The following CUL3 variants were observed in gnomAD, a reference collection of about 807,000 sequenced individuals.
CUL3 encodes cullin 3.
CUL3 carries 19 observed loss-of-function variants against 89.1 expected under a neutral mutation model. That is an observed-to-expected ratio of 0.21 (90% CI 0.15 to 0.31). The LOEUF (loss-of-function observed/expected upper bound fraction) is 0.31, where lower values mean the gene tolerates loss of function less well. Among genes scored for constraint, CUL3 ranks in the 10% least tolerant of loss-of-function variants. The pLI is 1.00. For synonymous variants in CUL3, 351 were observed against 308.4 expected (o/e 1.14, Z -1.45); for missense variants, 469 against 942.3 (o/e 0.50, Z 6.58).
chr2:224,480,630 TAGAA>T (rs1482809442), intron 14 of CUL3, among the ~76,000 whole-genome samples: 3 of 152,274 alleles, frequency 2.0e-5, no homozygotes, highest in Non-Finnish European at 2.9e-5. Flanking sequence ...CTGGACATGA[TAGAA>T]TCTGGGATAA....
At chr2:224,569,810 G>T (rs56004047) in intron 1 of CUL3, 22,117 of 1,098,040 alleles carry the variant, frequency 0.02, 268 homozygotes, top group Middle Eastern at 0.029. Context: ...TTAGTCCTCT[G>T]TGAATAATTT....
chr2:224,557,490 T>A (rs1694749129), intron 2 of CUL3, among the ~76,000 whole-genome samples, 169 bp downstream of exon 2: 1 of 148,678 alleles, frequency 6.7e-6, no homozygotes, highest in South Asian at 2.2e-4. Context: ...AAATTTTCGA[T>A]TTAGCTGATT....
Position 224,584,929 on chromosome 2 carries a change from C to G in CUL3, c.66+15G>C, listed in dbSNP as rs1251898319. ...CCCCCGGCCCCGGGGTCCCGGACGC[C>G]GAGGAGAGACTCACCGGAAAGGCCC... is the stretch of plus-strand genomic sequence containing the variant. On this transcript the variant is annotated intron_variant, in intron 1 of 15. Transcript: ENST00000264414. The G allele has an allele frequency of 3.4e-6, 5 of 1,468,164 alleles. No individual in the cohort carries two copies. Among genetic ancestry groups the G allele is most frequent in the African/African-American group, 1.5e-5 (1 of 67,356 alleles). 90.9% of individuals were successfully genotyped at this position (1,468,164 alleles called of 1,614,324 possible). A position where few individuals can be genotyped will look rare whatever the true frequency, so the allele number is the denominator to read the frequency against.
In CUL3 at chr2:224,470,198, T is replaced by C. The variant is rs1691072372; in HGVS notation, c.*4047A>G. ...TTCCCACATTGCAATAAATCTTGTA[T>C]GCAATAAAGTTTATTAGTTGAACTG... On this transcript the variant is annotated 3_prime_UTR_variant, in exon 16 of 16. Coordinates refer to ENST00000264414, the MANE Select transcript of CUL3 (RefSeq NM_003590.5). 1 of 202,860 alleles carries C rather than the reference T, an allele frequency of 4.9e-6. No homozygotes were observed. The highest frequency in any genetic ancestry group is 1.0e-5 in the Non-Finnish European group (1 of 99,074). 12.6% of individuals were successfully genotyped at this position (202,860 alleles called of 1,614,324 possible). A position where few individuals can be genotyped will look rare whatever the true frequency, so the allele number is the denominator to read the frequency against.
intron 1 of CUL3, among the ~76,000 whole-genome samples, chr2:224,559,750 T>G (rs1235910245): frequency 3.3e-5 from 5 of 152,152 alleles, no homozygotes; most frequent in African/African-American, 1.2e-4. Context: ...TACTTACCTA[T>G]CCAGCAGCAT....
intron 13 of CUL3, among the ~76,000 whole-genome samples, chr2:224,483,900 T>C (rs148394534): frequency 1.3e-5 from 2 of 152,308 alleles, no homozygotes; most frequent in African/African-American, 4.8e-5. Flanking sequence ...ATAAATATTT[T>C]ATATTTGCGC....
chr2:224,540,550 C>A (rs1694066026), intron 2 of CUL3, among the ~76,000 whole-genome samples: 1 of 152,150 alleles, frequency 6.6e-6, no homozygotes, highest in South Asian at 2.1e-4. Flanking sequence ...GATATAACAT[C>A]CAGGACTAGG....
chr2:224,514,005 C>T (rs1219676111), intron 4 of CUL3, among the ~76,000 whole-genome samples: 1 of 152,148 alleles, frequency 6.6e-6, no homozygotes, highest in East Asian at 1.9e-4. Flanking sequence ...TAACTTTTTG[C>T]ACTACATGGA....
At chr2:224,545,847 C>T (rs1219060625) in intron 2 of CUL3, among the ~76,000 whole-genome samples, 1 of 152,200 alleles carries the variant, frequency 6.6e-6, no homozygotes, top group African/African-American at 2.4e-5. Flanking sequence ...GGACAATACA[C>T]TTTCACAATT....
intron 1 of CUL3, among the ~76,000 whole-genome samples, chr2:224,559,676 T>C (rs1284809424): frequency 6.6e-6 from 1 of 152,088 alleles, no homozygotes; most frequent in African/African-American, 2.4e-5. Context: ...CAACTACTCT[T>C]GAGAAGGCCA....
At chr2:224,479,726 A>G (rs1160757756) in intron 14 of CUL3, 1 of 152,216 alleles carries the variant, frequency 6.6e-6, no homozygotes, top group African/African-American at 2.4e-5. Context: ...GGCAGGGAGG[A>G]AGACAAAATT....
intron 1 of CUL3, among the ~76,000 whole-genome samples, chr2:224,560,085 A>T (rs1241303215): frequency 6.6e-6 from 1 of 152,152 alleles, no homozygotes; most frequent in African/African-American, 2.4e-5. Context: ...CCTGTCTCAA[A>T]AAAGAAGAAG....
chr2:224,483,633 C>T (rs915386044), intron 13 of CUL3, among the ~76,000 whole-genome samples: 6 of 152,114 alleles, frequency 3.9e-5, no homozygotes, highest in Admixed American at 6.5e-5. Flanking sequence ...TGAACGTACA[C>T]GAACACATCC....
At chr2:224,579,180 G>C (rs2106326720) in intron 1 of CUL3, among the ~76,000 whole-genome samples, 1 of 152,210 alleles carries the variant, frequency 6.6e-6, no homozygotes, top group South Asian at 2.1e-4. Context: ...AACTTCTAAA[G>C]TCATAGTAGT....
At position 224,474,161 on chromosome 2, in the gene CUL3, G is replaced by C; in HGVS notation, c.*84C>G. The stretch of plus-strand genomic sequence containing the variant: ...CTGTAATTTAATAGAAGAGATGGTC[G>C]TCTTAATATTTAATGATTTAAAAGA... On this transcript the variant is annotated 3_prime_UTR_variant, in exon 16 of 16. Transcript: ENST00000264414. The C allele has an allele frequency of 1.5e-6, 2 of 1,356,844 alleles. No individual in the cohort carries two copies. Among genetic ancestry groups the C allele is most frequent in the South Asian group, 2.8e-5 (2 of 71,258 alleles). 84.1% of individuals were successfully genotyped at this position (1,356,844 alleles called of 1,614,324 possible). A position where few individuals can be genotyped will look rare whatever the true frequency, so the allele number is the denominator to read the frequency against.
intron 1 of CUL3, among the ~76,000 whole-genome samples, chr2:224,579,082 A>G (rs1193606561): frequency 6.6e-6 from 1 of 152,190 alleles, no homozygotes; most frequent in Non-Finnish European, 1.5e-5. Flanking sequence ...TGGTACTAAT[A>G]ATTTTCCAGG....
At chr2:224,494,035 T>C (rs1489675019) in intron 13 of CUL3, among the ~76,000 whole-genome samples, 1 of 152,174 alleles carries the variant, frequency 6.6e-6, no homozygotes, top group East Asian at 1.9e-4. Flanking sequence ...GAAAAACTTC[T>C]CAATTTAGCC....
At chr2:224,577,021 T>C (rs779740435) in intron 1 of CUL3, among the ~76,000 whole-genome samples, 3 of 152,174 alleles carry the variant, frequency 2.0e-5, no homozygotes, top group African/African-American at 4.8e-5. Flanking sequence ...GTTCTAGAAG[T>C]TGTACAATAA....
At chr2:224,550,087 CTG>C (rs1257231029) in intron 2 of CUL3, among the ~76,000 whole-genome samples, 1 of 152,178 alleles carries the variant, frequency 6.6e-6, no homozygotes, top group Non-Finnish European at 1.5e-5. Flanking sequence ...TCTCTTGTCT[CTG>C]TGACTTCATT....
Sources: gnomAD v4.1 joint callset for allele counts (sites outside exome capture counted in the v4.1 genomes callset) on GRCh38, gnomAD v4.1.1 for gene constraint, MANE v1.5 for transcripts, NCBI Gene and HGNC (gene_info 2026-07-23, HGNC 2026-07-21) for gene names.